Variants in TMEM168 observed in about 807,000 individuals in gnomAD.
TMEM168 encodes the protein transmembrane protein 168.
TMEM168 carries 40 observed loss-of-function variants against 53.2 expected under a neutral mutation model. The observed-to-expected ratio is 0.75, with a 90% CI of 0.58 to 0.98. TMEM168 has a LOEUF of 0.98. Ranked by LOEUF, TMEM168 falls within the 50% of genes least tolerant of loss-of-function variation. The pLI is 0.00. For synonymous variants in TMEM168, 282 were observed against 293.0 expected, an observed-to-expected ratio of 0.96 and a Z score of 0.38; for missense variants, 771 against 828.8, an observed-to-expected ratio of 0.93 and a Z score of 0.86.
chr7:112,781,788 T>C (rs1197333970), intron 2 of TMEM168, among the ~76,000 whole-genome samples: 1 of 151,316 alleles, frequency 6.6e-6, no homozygotes, highest in African/African-American at 2.4e-5. Context: ...AAAACAATAA[T>C]GCTTTTGAAA....
intron 2 of TMEM168, among the ~76,000 whole-genome samples, chr7:112,783,144 C>G (rs1024959487): frequency 1.3e-5 from 2 of 152,198 alleles, no homozygotes; most frequent in African/African-American, 4.8e-5. Flanking sequence ...CTGTGAAACC[C>G]ATGTTTTCTT....
chr7:112,784,436 G>A lies in TMEM168; in HGVS notation c.390C>T (p.Ser130=). 1.2e-6 allele frequency: 2 copies of A among 1,613,958 alleles called. No homozygotes were observed. The highest frequency in any genetic ancestry group is 1.3e-5 in the African/African-American group (1 of 74,996). Reference sequence around the variant, plus strand: ...GAGAGCACAATATCCTTAACACTATGGATGTTAGAAGCAAATATTTGGTTG... The same window carrying A: ...GAGAGCACAATATCCTTAACACTATAGATGTTAGAAGCAAATATTTGGTTG... ...EESTKYLLLT[S]IVLRILCSLV... Residue 130 remains serine, a synonymous_variant, in exon 2 of 5, where the codon TCC becomes TCT. Transcript: ENST00000312814.
chr7:112,767,621 C>T lies in TMEM168; in HGVS notation c.1670G>A (p.Arg557Lys), dbSNP rs1792818576. Residue 557 changes from arginine to lysine, a missense_variant, in exon 5 of 5, where the codon AGG becomes AAG. Transcript: ENST00000312814. ...ENSTPWVKEV[R>K]KINDQYIAVQ... ...TGCAATATACTGGTCATTAATTTTC[C>T]TCACTTCTTTCACCCAAGGGGTTGA... 1.2e-6 allele frequency: 2 copies of T among 1,613,944 alleles called. No individual in the cohort carries two copies. The highest frequency in any genetic ancestry group is 1.7e-6 in the Non-Finnish European group (2 of 1,180,000).
chr7:112,775,067 A>G, intron 3 of TMEM168, 109 bp downstream of exon 3: 1 of 912,322 alleles, frequency 1.1e-6, no homozygotes. Flanking sequence ...GAAATGCACA[A>G]GTTATATTTT....
chr7:112,767,275 G>A lies in TMEM168; in HGVS notation c.2016C>T (p.Cys672=), dbSNP rs769173458. The part of the protein sequence containing the change: ...LFWICKTCFR[C]LKRLKMSWFL... ...ACCAACTCATTTTTAATCTTTTCAA[G>A]CACCTAAAACAAGTTTTGCAGATCC... The change falls in exon 5 of 5, where the codon TGC becomes TGT. Residue 672 remains cysteine, a synonymous_variant. Coordinates refer to ENST00000312814, the MANE Select transcript of TMEM168 (RefSeq NM_022484.6). 1.9e-6 allele frequency: 3 copies of A among 1,614,092 alleles called. No homozygotes were observed. In the Admixed American group the frequency reaches 5.0e-5, roughly 27 times the overall value.
Position 112,772,949 on chromosome 7 carries a change from T to C in TMEM168, c.1378A>G (p.Ile460Val). The stretch of plus-strand genomic sequence containing the variant: ...GAATAGTCACATCCATAGGTCTCAA[T>C]CATATGATATGCAAAAAATCTTTGG... ...AIQRFFAYHM[I>V]ETYGCDYSTS... The change falls in exon 4 of 5, where the codon ATT becomes GTT. Residue 460 changes from isoleucine to valine, a missense_variant. Physicochemically the swap from Ile to Val is conservative, Grantham distance 29 (BLOSUM62 3). Transcript: ENST00000312814. 6.2e-7 allele frequency: 1 copy of C among 1,614,056 alleles called. No homozygotes were observed. The highest frequency in any genetic ancestry group is 8.5e-7 in the Non-Finnish European group (1 of 1,179,966).
At chr7:112,788,722 A>G (rs1383453691) in intron 1 of TMEM168, among the ~76,000 whole-genome samples, 3 of 152,154 alleles carry the variant, frequency 2.0e-5, no homozygotes, top group Admixed American at 1.3e-4. Flanking sequence ...AAAACCTTAC[A>G]TACTATTCTA....
intron 2 of TMEM168, among the ~76,000 whole-genome samples, chr7:112,777,886 CTGTGTGTGTGTGTGTGTGTGTG>C (rs71155068): frequency 0.057 from 7,212 of 126,124 alleles, 333 homozygotes; most frequent in African/African-American, 0.12. Flanking sequence ...GCTCTTGGTG[CTGTGTGTGTGTGTGTGTGTGTG>C]TGTGTGTGTG....
At chr7:112,787,373 T>C (rs1480414656) in intron 1 of TMEM168, among the ~76,000 whole-genome samples, 1 of 149,314 alleles carries the variant, frequency 6.7e-6, no homozygotes, top group Non-Finnish European at 1.5e-5. Flanking sequence ...TCCTGCATAT[T>C]CTTTTTTGGG....
intron 1 of TMEM168, among the ~76,000 whole-genome samples, chr7:112,788,986 C>T (rs529703645): frequency 6.6e-6 from 1 of 152,290 alleles, no homozygotes; most frequent in South Asian, 2.1e-4. Flanking sequence ...AAAGTCAAAA[C>T]TCCTTACAGT....
At chr7:112,775,046 A>C in intron 3 of TMEM168, 130 bp downstream of exon 3, 5 of 718,830 alleles carry the variant, frequency 7.0e-6, no homozygotes, top group Non-Finnish European at 8.0e-6. Context: ...AAGTTTGTTA[A>C]AAATTTGGAA....
rs573529459 is a variant in TMEM168 at position 112,784,725 on chromosome 7, C to T, written c.101G>A (p.Arg34Gln). The T allele has an allele frequency of 3.6e-5, 58 of 1,613,850 alleles. No homozygotes were observed. Among genetic ancestry groups the T allele is most frequent in the Middle Eastern group, 3.3e-4 (2 of 6,058 alleles). ...NREVNMHSSV[R>Q]YLGYLARINL... ...GATTCTGGCTAAATAGCCAAGATAC[C>T]GCACTGAAGAATGCATGTTCACTTC... Residue 34 changes from arginine (R) to glutamine (Q), a missense_variant, in exon 2 of 5, where the codon CGG becomes CAG. By Grantham distance (43) the Arg-to-Gln change is conservative (BLOSUM62 1). Transcript: ENST00000312814.
At position 112,784,054 on chromosome 7, in the gene TMEM168, G is replaced by A. The variant is rs752161781; in HGVS notation, c.772C>T (p.Arg258Cys). The A allele has an allele frequency of 1.1e-5, 17 of 1,610,158 alleles. No homozygotes were observed. Among genetic ancestry groups the A allele is most frequent in the South Asian group, 2.2e-5 (2 of 89,638 alleles). ...VTERWKPFLY[R>C]GRICRRLSVV... ...GAAAGTCTTCTGCAAATTCTTCCAC[G>A]GTACAAAAAGGGTTTCCATCTTTCA... Residue 258 changes from arginine (R) to cysteine (C), a missense_variant, in exon 2 of 5, where the codon CGT becomes TGT. By Grantham distance (180) the Arg-to-Cys change is radical. Transcript: ENST00000312814.
intron 1 of TMEM168, among the ~76,000 whole-genome samples, chr7:112,787,825 C>A (rs530247950): frequency 3.6e-4 from 52 of 145,738 alleles, no homozygotes; most frequent in African/African-American, 1.3e-3. Context: ...CTCTGCCTCC[C>A]GGATTCAAGC....
chr7:112,775,339 G>A, intron 2 of TMEM168, 21 bp from the exon 3 acceptor site: 3 of 1,608,832 alleles, frequency 1.9e-6, no homozygotes, highest in African/African-American at 1.3e-5. Flanking sequence ...TCCAAAACAT[G>A]TTTACATAGT....
At position 112,766,492 on chromosome 7, in the gene TMEM168, CTT is replaced by C. The variant is rs767056928; in HGVS notation, c.*703_*704del. On this transcript the variant is annotated 3_prime_UTR_variant, in exon 5 of 5. Transcript: ENST00000312814. ...ACATTAAGTTACCCTGAGAAAGACT[CTT>C]AATATTACCAGTGTTTTCAGGGCCC... is the stretch of plus-strand genomic sequence containing the variant. 24 of 152,706 alleles carry C rather than the reference CTT, an allele frequency of 1.6e-4. No homozygotes were observed. Among genetic ancestry groups the C allele is most frequent in the Non-Finnish European group, 2.1e-4 (14 of 68,020 alleles). 9.5% of individuals were successfully genotyped at this position (152,706 alleles called of 1,614,324 possible). A position where few individuals can be genotyped will look rare whatever the true frequency, so the allele number is the denominator to read the frequency against.
intron 3 of TMEM168, among the ~76,000 whole-genome samples, chr7:112,774,045 T>A (rs1264608675): frequency 6.6e-6 from 1 of 152,190 alleles, no homozygotes; most frequent in Non-Finnish European, 1.5e-5. Context: ...CTACAAATAG[T>A]CTATTTGGAG....
intron 2 of TMEM168, among the ~76,000 whole-genome samples, chr7:112,780,132 C>T (rs926965401): frequency 6.6e-6 from 1 of 152,138 alleles, no homozygotes; most frequent in Non-Finnish European, 1.5e-5. Context: ...GTGGAAAGGA[C>T]CCAAGCTTCG....
In TMEM168 at chr7:112,764,021, G is replaced by A. The variant is rs1792712883; in HGVS notation, c.*3176C>T. The A allele has an allele frequency of 1.3e-5, 2 of 151,942 alleles. No homozygotes were observed. Among genetic ancestry groups the A allele is most frequent in the Non-Finnish European group, 2.9e-5 (2 of 67,960 alleles). 9.4% of individuals were successfully genotyped at this position (151,942 alleles called of 1,614,324 possible). On this transcript the variant is annotated 3_prime_UTR_variant, in exon 5 of 5. Coordinates refer to ENST00000312814, the MANE Select transcript of TMEM168 (RefSeq NM_022484.6). ...CAAACTAAAAATTTTTGAATAAAAT[G>A]ATGGCATAACTGAAAAGTCATGGGG...
Sources: allele counts gnomAD v4.1 joint callset (sites outside exome capture counted in the v4.1 genomes callset), GRCh38; gene constraint gnomAD v4.1.1; transcripts MANE v1.5; gene names NCBI Gene and HGNC (gene_info 2026-07-23, HGNC 2026-07-21).